SETBP1: variants seen among roughly 807,000 people sequenced by gnomAD.
SETBP1 encodes the protein SET binding protein 1.
SETBP1 carries 9 observed loss-of-function variants against 101.0 expected under a neutral mutation model. The ratio of observed to expected loss-of-function variants is 0.09; its 90% CI spans 0.05 to 0.16. The LOEUF (loss-of-function observed/expected upper bound fraction) is 0.16, where lower values mean the gene tolerates loss of function less well. Ranked by LOEUF, SETBP1 falls within the 10% of genes least tolerant of loss-of-function variation. SETBP1 has a pLI of 1.00. For synonymous variants in SETBP1, 818 were observed against 788.5 expected (o/e 1.04, Z -0.63); for missense variants, 1,858 against 2,033.8 (o/e 0.91, Z 1.66).
intron 2 of SETBP1, among the ~76,000 whole-genome samples, chr18:44,784,784 G>A (rs938844671): frequency 1.3e-5 from 2 of 152,184 alleles, no homozygotes; most frequent in Non-Finnish European, 2.9e-5. Context: ...TCAAGAGTAC[G>A]TAGTCAATGA....
chr18:44,847,622 T>C (rs2072750400), intron 2 of SETBP1, among the ~76,000 whole-genome samples: 1 of 152,210 alleles, frequency 6.6e-6, no homozygotes, highest in Non-Finnish European at 1.5e-5. Context: ...CCCTACAATG[T>C]GTCAAGCACT....
At chr18:44,723,681 G>C (rs1412950724) in intron 2 of SETBP1, among the ~76,000 whole-genome samples, 1 of 152,042 alleles carries the variant, frequency 6.6e-6, no homozygotes, top group South Asian at 2.1e-4. Flanking sequence ...AACCTACCAC[G>C]CCTTTGCCCA....
chr18:44,771,224 A>T (rs1403700374), intron 2 of SETBP1, among the ~76,000 whole-genome samples: 1 of 146,584 alleles, frequency 6.8e-6, no homozygotes, highest in Non-Finnish European at 1.5e-5. Context: ...GACAGTCTAG[A>T]GCATTCTTTG....
At chr18:44,987,859 T>C (rs374213861) in intron 4 of SETBP1, 11 of 152,332 alleles carry the variant, frequency 7.2e-5, no homozygotes, top group African/African-American at 2.6e-4. Context: ...TATATGTAAA[T>C]AGATCAATCT....
At chr18:44,869,179 T>A in intron 2 of SETBP1, 51 bp from the exon 3 acceptor site, 1 of 1,525,852 alleles carries the variant, frequency 6.6e-7, no homozygotes, top group South Asian at 1.1e-5. Flanking sequence ...GTGGGGATAC[T>A]GTATGCAAAC....
At chr18:45,061,774 A>G (rs995208159) in intron 5 of SETBP1, among the ~76,000 whole-genome samples, 2 of 152,228 alleles carry the variant, frequency 1.3e-5, no homozygotes, top group African/African-American at 4.8e-5. Context: ...TAAGATATTT[A>G]TTCTGCTTCT....
intron 4 of SETBP1, among the ~76,000 whole-genome samples, chr18:44,977,624 G>T (rs1472248899): frequency 2.6e-5 from 4 of 152,168 alleles, no homozygotes; most frequent in Admixed American, 2.6e-4. Flanking sequence ...TTAGTAGATC[G>T]CTGTGCTTCT....
At chr18:44,796,558 A>T (rs1407963649) in intron 2 of SETBP1, among the ~76,000 whole-genome samples, 2 of 152,238 alleles carry the variant, frequency 1.3e-5, no homozygotes, top group Non-Finnish European at 1.5e-5. Context: ...CAACTGCAGC[A>T]TGAGTTGAGA....
At chr18:45,005,978 G>A (rs1252296785) in intron 4 of SETBP1, among the ~76,000 whole-genome samples, 2 of 103,070 alleles carry the variant, frequency 1.9e-5, no homozygotes, top group Non-Finnish European at 3.6e-5. Flanking sequence ...TTTTGAGACC[G>A]AGTCTGACTC....
At chr18:44,797,208 A>G in intron 2 of SETBP1, among the ~76,000 whole-genome samples, 1 of 152,120 alleles carries the variant, frequency 6.6e-6, no homozygotes, top group Non-Finnish European at 1.5e-5. Flanking sequence ...GTAAGTGTTG[A>G]CGTATTGGTT....
chr18:44,746,095 TGTCA>T (rs2070239704), intron 2 of SETBP1, among the ~76,000 whole-genome samples: 1 of 152,168 alleles, frequency 6.6e-6, no homozygotes. Flanking sequence ...GTGTCTATGT[TGTCA>T]GTCAGGCAGA....
At chr18:44,900,784 GGGTAA>G (rs1238643974) in intron 3 of SETBP1, among the ~76,000 whole-genome samples, 4 of 152,128 alleles carry the variant, frequency 2.6e-5, no homozygotes, top group African/African-American at 9.7e-5. Context: ...GAGAACCGCT[GGGTAA>G]GGGAACTAAG....
At position 44,963,524 on chromosome 18, in the gene SETBP1, G is replaced by GT. The variant is rs536951438; in HGVS notation, c.4000+10192dup. Among the ~76,000 whole-genome samples the GT allele has an allele frequency of 2.9e-4, 44 of 151,922 alleles. No individual in the cohort carries two copies. In the East Asian group the frequency reaches 4.6e-3, roughly 16 times the overall value. On this transcript the variant is annotated intron_variant, in intron 4 of 5. Transcript: ENST00000649279. ...CACTAAAACTAACATTTAAATCTTT[G>GT]TTTTTTTTAATTACAATTTAAGGGG... is the stretch of plus-strand genomic sequence containing the variant.
intron 1 of SETBP1, among the ~76,000 whole-genome samples, chr18:44,684,462 A>G (rs1380389089): frequency 1.3e-5 from 2 of 152,100 alleles, no homozygotes; most frequent in African/African-American, 4.8e-5. Context: ...GAGATACATC[A>G]CACTGGGGCT....
At chr18:44,808,211 A>T (rs1217754199) in intron 2 of SETBP1, among the ~76,000 whole-genome samples, 1 of 152,160 alleles carries the variant, frequency 6.6e-6, no homozygotes, top group African/African-American at 2.4e-5. Flanking sequence ...AGTTTTCCTT[A>T]ACAATCATGA....
chr18:44,825,711 G>A (rs1475782231), intron 2 of SETBP1, among the ~76,000 whole-genome samples: 2 of 152,234 alleles, frequency 1.3e-5, no homozygotes, highest in South Asian at 2.1e-4. Context: ...CAGATTTCTT[G>A]ATGCAGAATT....
rs183547163 is a variant in SETBP1 at position 44,788,132 on chromosome 18, C to T, written c.487-81098C>T. Among the ~76,000 whole-genome samples the T allele has an allele frequency of 3.9e-3, 587 of 151,872 alleles. 2 individuals carry two copies. Among genetic ancestry groups the T allele is most frequent in the Non-Finnish European group, 6.9e-3 (467 of 67,976 alleles). On this transcript the variant is annotated intron_variant, in intron 2 of 5. Coordinates refer to ENST00000649279, the MANE Select transcript of SETBP1 (RefSeq NM_015559.3). ...CAAGTGATTGAAAGAAGTTCATCCT[C>T]AGAGTGTAGAATCTTAGTTTCCGCT...
chr18:44,884,764 G>A (rs1372630308), intron 3 of SETBP1, among the ~76,000 whole-genome samples: 2 of 152,086 alleles, frequency 1.3e-5, no homozygotes, highest in East Asian at 3.9e-4. Flanking sequence ...GACCCTGCTG[G>A]CACCTCAAAG....
chr18:44,892,267 T>C (rs905790503), intron 3 of SETBP1, among the ~76,000 whole-genome samples: 1 of 152,144 alleles, frequency 6.6e-6, no homozygotes, highest in Non-Finnish European at 1.5e-5. Context: ...AAGGCCTAGC[T>C]GTTTCGTTGG....
Sources: allele counts gnomAD v4.1 joint callset (sites outside exome capture counted in the v4.1 genomes callset), GRCh38; gene constraint gnomAD v4.1.1; transcripts MANE v1.5; gene names NCBI Gene and HGNC (gene_info 2026-07-23, HGNC 2026-07-21).